PKHD1: variants seen among roughly 807,000 people sequenced by gnomAD.
PKHD1 encodes fibrocystin.
In PKHD1, 291 loss-of-function variants were observed where a neutral mutation model predicts 412.0. The ratio of observed to expected loss-of-function variants is 0.71; its 90% CI spans 0.64 to 0.78. PKHD1 has a LOEUF of 0.78. Among genes scored for constraint, PKHD1 ranks in the 30% least tolerant of loss-of-function variants. The pLI is 0.00. For missense variants in PKHD1, 4,825 were observed against 4,950.7 expected, an observed-to-expected ratio of 0.97 and a Z score of 0.76; for synonymous variants, 1,777 against 1,821.5, an observed-to-expected ratio of 0.98 and a Z score of 0.62.
chr6:52,020,939 C>A (rs146957936), intron 33 of PKHD1, among the ~76,000 whole-genome samples: 3 of 151,696 alleles, frequency 2.0e-5, no homozygotes, highest in Non-Finnish European at 4.4e-5. Context: ...CACAGTCATA[C>A]ACTCAAAATG....
chr6:51,780,695 T>C (rs1791845381), intron 53 of PKHD1, among the ~76,000 whole-genome samples: 1 of 152,086 alleles, frequency 6.6e-6, no homozygotes, highest in Non-Finnish European at 1.5e-5. Context: ...TAATTAAGCA[T>C]ATATTTTTCA....
intron 60 of PKHD1, among the ~76,000 whole-genome samples, chr6:51,728,531 G>A (rs190210071): frequency 8.9e-4 from 135 of 152,202 alleles, no homozygotes; most frequent in African/African-American, 3.0e-3. Flanking sequence ...GTGAGCAGCC[G>A]GACTCTTTGG....
chr6:51,920,980 A>G (rs1784601463), intron 37 of PKHD1, among the ~76,000 whole-genome samples: 1 of 151,918 alleles, frequency 6.6e-6, no homozygotes, highest in Admixed American at 6.6e-5. Context: ...CCCCTTTATC[A>G]TTTTTTATTG....
intron 60 of PKHD1, among the ~76,000 whole-genome samples, chr6:51,688,707 C>T (rs1203397858): frequency 1.3e-5 from 2 of 152,052 alleles, no homozygotes; most frequent in Non-Finnish European, 2.9e-5. Context: ...TTATAAACAC[C>T]TCCAGTGTTT....
At chr6:51,829,896 G>A (rs573078559) in intron 52 of PKHD1, among the ~76,000 whole-genome samples, 5 of 152,280 alleles carry the variant, frequency 3.3e-5, no homozygotes, top group East Asian at 1.9e-4. Context: ...ATTGCAAACC[G>A]TGGGACCCTG....
At chr6:51,757,451 T>G (rs939619115) in intron 55 of PKHD1, among the ~76,000 whole-genome samples, 2 of 152,146 alleles carry the variant, frequency 1.3e-5, no homozygotes, top group Non-Finnish European at 1.5e-5. Flanking sequence ...TCCAGCCAGA[T>G]GAATCAGTTC....
At chr6:51,837,961 C>T (rs2151560525) in intron 50 of PKHD1, among the ~76,000 whole-genome samples, 1 of 152,296 alleles carries the variant, frequency 6.6e-6, no homozygotes, top group Admixed American at 6.5e-5. Flanking sequence ...ACTTCCAAGA[C>T]TTTGCTTAAA....
At chr6:52,063,394 T>C (rs1808976643) in intron 13 of PKHD1, among the ~76,000 whole-genome samples, 1 of 152,024 alleles carries the variant, frequency 6.6e-6, no homozygotes, top group Non-Finnish European at 1.5e-5. Context: ...AATAATAAAA[T>C]AGCAATAATA....
chr6:51,773,289 A>T, intron 54 of PKHD1, among the ~76,000 whole-genome samples: 1 of 151,990 alleles, frequency 6.6e-6, no homozygotes, highest in Non-Finnish European at 1.5e-5. Flanking sequence ...GAGATTTCTA[A>T]GTCCTTTGTT....
At chr6:51,739,976 CTAATT>C (rs1188241199) in intron 60 of PKHD1, 1 of 518,886 alleles carries the variant, frequency 1.9e-6, no homozygotes, top group Admixed American at 1.9e-5. Context: ...TGGTATCTGC[CTAATT>C]CTACCTGAAT....
intron 34 of PKHD1, among the ~76,000 whole-genome samples, chr6:52,016,635 C>CAA (rs10579713): frequency 1.3e-4 from 16 of 118,892 alleles, no homozygotes; most frequent in East Asian, 7.0e-4. Context: ...GACTCTGTCT[C>CAA]AAAAAAAAAA....
intron 39 of PKHD1, among the ~76,000 whole-genome samples, chr6:51,910,037 G>T (rs922873883): frequency 6.6e-6 from 1 of 152,062 alleles, no homozygotes; most frequent in East Asian, 1.9e-4. Context: ...TGCCACTAAT[G>T]AGGACAGCAG....
intron 60 of PKHD1, among the ~76,000 whole-genome samples, chr6:51,732,164 A>C (rs2150895488): frequency 6.6e-6 from 1 of 152,306 alleles, no homozygotes; most frequent in Admixed American, 6.5e-5. Flanking sequence ...ATGCTAAGAT[A>C]CTAAGTCACA....
chr6:51,774,504 T>C (rs554277440), intron 54 of PKHD1, among the ~76,000 whole-genome samples: 30 of 152,098 alleles, frequency 2.0e-4, no homozygotes, highest in Admixed American at 1.8e-3. Context: ...ATAATCCATC[T>C]AGTTTGTCAA....
chr6:51,865,936 AG>A (rs1774999508), intron 48 of PKHD1, among the ~76,000 whole-genome samples: 1 of 152,180 alleles, frequency 6.6e-6, no homozygotes, highest in Admixed American at 6.5e-5. Flanking sequence ...TAAAATTAGA[AG>A]GACCTTAGAG....
intron 31 of PKHD1, among the ~76,000 whole-genome samples, chr6:52,027,456 C>T (rs1465676528): frequency 7.0e-6 from 1 of 143,762 alleles, no homozygotes; most frequent in African/African-American, 2.5e-5. Context: ...TACTTGAACC[C>T]GGGAGGCAGA....
intron 60 of PKHD1, among the ~76,000 whole-genome samples, chr6:51,680,131 A>ATATTAT (rs151148060): frequency 6.6e-6 from 1 of 151,488 alleles, no homozygotes; most frequent in Non-Finnish European, 1.5e-5. Context: ...AGCATAATAT[A>ATATTAT]TATTATTATT....
intron 43 of PKHD1, among the ~76,000 whole-genome samples, chr6:51,900,861 A>C (rs1158861369): frequency 1.3e-5 from 2 of 152,264 alleles, no homozygotes; most frequent in African/African-American, 4.8e-5. Context: ...GGTGAAGGAC[A>C]TGAACAGACA....
intron 60 of PKHD1, among the ~76,000 whole-genome samples, chr6:51,664,509 C>A (rs1339396327): frequency 6.6e-6 from 1 of 152,070 alleles, no homozygotes; most frequent in Non-Finnish European, 1.5e-5. Context: ...TCTTTATGAC[C>A]CATTGGCATT....
Sources: allele counts gnomAD v4.1 joint callset (sites outside exome capture counted in the v4.1 genomes callset), GRCh38; gene constraint gnomAD v4.1.1; transcripts MANE v1.5; gene names NCBI Gene and HGNC (gene_info 2026-07-23, HGNC 2026-07-21).